DNAH7: variants seen among roughly 807,000 people sequenced by gnomAD.
The protein encoded by DNAH7 is axonemal beta dynein heavy chain 7.
In DNAH7, 397 loss-of-function variants were observed where a neutral mutation model predicts 444.6. The ratio of observed to expected loss-of-function variants is 0.89; its 90% CI spans 0.82 to 0.97. The LOEUF (loss-of-function observed/expected upper bound fraction) is 0.97, where lower values mean the gene tolerates loss of function less well. DNAH7 is among the 50% of genes least tolerant of loss of function. The probability of loss-of-function intolerance (pLI) is 0.00; values close to 1 mark genes in which losing one functional copy is unlikely to be tolerated. For missense variants in DNAH7, 4,902 were observed against 4,800.8 expected, an observed-to-expected ratio of 1.02 and a Z score of -0.62; for synonymous variants, 1,636 against 1,624.4, an observed-to-expected ratio of 1.01 and a Z score of -0.17.
At chr2:195,798,550 TTTTTTTTTC>T (rs1046261263) in intron 55 of DNAH7, among the ~76,000 whole-genome samples, 3 of 101,420 alleles carry the variant, frequency 3.0e-5, no homozygotes, top group East Asian at 2.5e-4. Flanking sequence ...TTTTTTTTTT[TTTTTTTTTC>T]TTGAGATGGA....
intron 22 of DNAH7, among the ~76,000 whole-genome samples, chr2:195,924,598 A>G (rs1688218102): frequency 6.6e-6 from 1 of 151,912 alleles, no homozygotes; most frequent in African/African-American, 2.4e-5. Flanking sequence ...CATCACAAAA[A>G]AAAAAAAAGA....
At chr2:196,042,523 G>A (rs1454167450) in intron 5 of DNAH7, among the ~76,000 whole-genome samples, 3 of 151,446 alleles carry the variant, frequency 2.0e-5, no homozygotes, top group Admixed American at 1.3e-4. Flanking sequence ...AGCAAACTAC[G>A]CAATAAAAAA....
Position 196,027,907 on chromosome 2 carries a change from T to A in DNAH7, c.486+53A>T, listed in dbSNP as rs1695789595. ...GTGGTCTCCAAAGTATAAAATTATC[T>A]TCAAGTGTTTCTTTCCTTTTCAATT... On this transcript the variant is annotated intron_variant, in intron 6 of 64. Coordinates refer to ENST00000312428, the MANE Select transcript of DNAH7 (RefSeq NM_018897.3). 3.9e-6 allele frequency: 6 copies of A among 1,533,238 alleles called. No individual in the cohort carries two copies. The South Asian group carries it at 7.0e-5, about 18-fold the overall frequency. 95.0% of individuals were successfully genotyped at this position (1,533,238 alleles called of 1,614,324 possible). A position where few individuals can be genotyped will look rare whatever the true frequency, so the allele number is the denominator to read the frequency against.
intron 58 of DNAH7, among the ~76,000 whole-genome samples, chr2:195,785,331 C>CTGTG: frequency 6.6e-6 from 1 of 151,848 alleles, no homozygotes; most frequent in East Asian, 1.9e-4. Flanking sequence ...CTCAGTCTGT[C>CTGTG]TGTGTGTGTG....
chr2:195,976,786 A>AGAGAGAGAGAGAGAGAGAGAGAGAGAGG, intron 15 of DNAH7, among the ~76,000 whole-genome samples: 1 of 147,410 alleles, frequency 6.8e-6, no homozygotes, highest in South Asian at 2.1e-4. Flanking sequence ...AGAGAGAGAG[A>AGAGAGAGAGAGAGAGAGAGAGAGAGAGG]GACTCTCTAA....
At chr2:195,936,987 T>G (rs1488816794) in intron 19 of DNAH7, among the ~76,000 whole-genome samples, 195 bp from the exon 20 acceptor site, 1 of 152,126 alleles carries the variant, frequency 6.6e-6, no homozygotes, top group African/African-American at 2.4e-5. Flanking sequence ...AAAGTCACAT[T>G]GATTTAATCC....
intron 24 of DNAH7, among the ~76,000 whole-genome samples, chr2:195,915,823 G>T (rs1037019190): frequency 2.2e-4 from 34 of 152,076 alleles, no homozygotes; most frequent in African/African-American, 8.2e-4. Context: ...CAAGGAGCAG[G>T]AAATAATCAG....
rs1259707208 is a variant in DNAH7, at chr2:195,952,767, T to C, written c.3078+4494A>G. Among the ~76,000 whole-genome samples, 4 of 152,162 alleles carry C rather than the reference T, an allele frequency of 2.6e-5. No individual in the cohort carries two copies. The East Asian group carries it at 7.7e-4, about 29-fold the overall frequency. ...TGGTTCACAAAGTTCTCGTGCTGTG[T>C]TTTTCAGCTCCATCAGGTCATTTAT... is the stretch of plus-strand genomic sequence containing the variant. On this transcript the variant is annotated intron_variant, in intron 19 of 64. Coordinates refer to ENST00000312428, the MANE Select transcript of DNAH7 (RefSeq NM_018897.3).
At position 195,972,313 on chromosome 2, in the gene DNAH7, T is replaced by A; in HGVS notation, c.1987A>T (p.Met663Leu). The change falls in exon 16 of 65, where the codon ATG becomes TTG. Residue 663 changes from methionine to leucine, a missense_variant. By Grantham distance (15) the Met-to-Leu change is conservative. Coordinates refer to ENST00000312428, the MANE Select transcript of DNAH7 (RefSeq NM_018897.3). ...CTGTGTTCTTCAAAAATTTCTCCCA[T>A]CCTTCCATACCACTGGAAAACACTA... Reference protein sequence around the residue: ...NNSVFQWYGRMGEIFEEHRKI... With the variant: ...NNSVFQWYGRLGEIFEEHRKI... 6.2e-7 allele frequency: 1 copy of A among 1,614,134 alleles called. No homozygotes were observed.
intron 8 of DNAH7, among the ~76,000 whole-genome samples, chr2:196,021,663 A>C (rs1575041748): frequency 6.6e-6 from 1 of 151,764 alleles, no homozygotes; most frequent in East Asian, 1.9e-4. Context: ...CTAAAAAAAA[A>C]AAAATTAAAT....
intron 17 of DNAH7, among the ~76,000 whole-genome samples, chr2:195,964,167 T>C (rs1214675627): frequency 1.3e-5 from 2 of 152,252 alleles, no homozygotes; most frequent in Non-Finnish European, 2.9e-5. Flanking sequence ...GAGTGTTTTT[T>C]CTATTTCTGT....
At position 195,864,347 on chromosome 2, in the gene DNAH7, C is replaced by G. The variant is rs749703608; in HGVS notation, c.7308G>C (p.Lys2436Asn). Residue 2436 changes from lysine (K) to asparagine (N), a missense_variant, in exon 41 of 65, where the codon AAG (lysine) becomes AAC (asparagine). Coordinates refer to ENST00000312428, the MANE Select transcript of DNAH7 (RefSeq NM_018897.3). ...ALDEKQEICDKMRQLDRQRDK... is the reference protein window; with the variant it reads ...ALDEKQEICDNMRQLDRQRDK... The stretch of plus-strand genomic sequence containing the variant: ...CCCGCTGGCGATCTAACTGACGCAT[C>G]TTATCACATATCTCTTGCTTCTCAT... 6.2e-7 allele frequency: 1 copy of G among 1,614,160 alleles called. No individual in the cohort carries two copies. The highest frequency in any genetic ancestry group is 8.5e-7 in the Non-Finnish European group (1 of 1,180,018).
intron 12 of DNAH7, among the ~76,000 whole-genome samples, chr2:195,989,980 C>T (rs986628960): frequency 6.6e-6 from 1 of 152,182 alleles, no homozygotes; most frequent in Non-Finnish European, 1.5e-5. Context: ...TATAGCGATA[C>T]AAGAATGACC....
At position 195,875,748 on chromosome 2, in the gene DNAH7, G is replaced by C. The variant is rs761790602; in HGVS notation, c.6213C>G (p.Asn2071Lys). 1.2e-6 allele frequency: 2 copies of C among 1,613,620 alleles called. No individual in the cohort carries two copies. Among genetic ancestry groups the C allele is most frequent in the East Asian group, 4.5e-5 (2 of 44,842 alleles). The part of the protein sequence containing the change: ...ELLRQWLDHW[N>K]WYDLKDCSMI... Reference sequence around the variant, plus strand: ...TGGAACAATCTTTTAGATCATACCAGTTCCAGTGGTCTAACCACTGTCTAA... The same window carrying C: ...TGGAACAATCTTTTAGATCATACCACTTCCAGTGGTCTAACCACTGTCTAA... The change falls in exon 38 of 65, where the codon AAC becomes AAG. Residue 2071 changes from asparagine to lysine, a missense_variant. Physicochemically the swap from Asn to Lys is moderately conservative, Grantham distance 94 (BLOSUM62 0). Coordinates refer to ENST00000312428, the MANE Select transcript of DNAH7 (RefSeq NM_018897.3).
chr2:195,879,136 G>T (rs747175068), intron 36 of DNAH7, among the ~76,000 whole-genome samples: 3 of 152,078 alleles, frequency 2.0e-5, no homozygotes, highest in Non-Finnish European at 4.4e-5. Flanking sequence ...AACAGAAAAT[G>T]TGAATACAAA....
chr2:195,895,770 C>T (rs1692052457), intron 29 of DNAH7, among the ~76,000 whole-genome samples: 1 of 152,126 alleles, frequency 6.6e-6, no homozygotes. Flanking sequence ...TTTTTATTTG[C>T]ATTGTCTAGA....
chr2:195,936,551 GT>G (rs1559244549), intron 20 of DNAH7, 47 bp downstream of exon 20: 1 of 1,361,796 alleles, frequency 7.3e-7, no homozygotes, highest in African/African-American at 1.5e-5. Context: ...TAAAAATTAA[GT>G]TTAAGCAGAT....
At chr2:195,946,908 A>G (rs1029780676) in intron 19 of DNAH7, among the ~76,000 whole-genome samples, 1 of 151,992 alleles carries the variant, frequency 6.6e-6, no homozygotes, top group South Asian at 2.1e-4. Flanking sequence ...AACAGGTACA[A>G]AACTCTCTTA....
At chr2:195,766,837 G>T (rs796656218) in intron 61 of DNAH7, among the ~76,000 whole-genome samples, 119 of 152,102 alleles carry the variant, frequency 7.8e-4, no homozygotes, top group African/African-American at 2.8e-3. Context: ...ACAAAAATAA[G>T]AAATAAATAA....
Sources: allele counts gnomAD v4.1 joint callset (sites outside exome capture counted in the v4.1 genomes callset), GRCh38; gene constraint gnomAD v4.1.1; transcripts MANE v1.5; gene names NCBI Gene and HGNC (gene_info 2026-07-23, HGNC 2026-07-21).